The following CTSE variants were observed in gnomAD, a reference collection of about 807,000 sequenced individuals.
The protein encoded by CTSE is cathepsin E.
In CTSE, 43 loss-of-function variants were observed where a neutral mutation model predicts 42.8. The ratio of observed to expected loss-of-function variants is 1.01; its 90% CI spans 0.79 to 1.30. The LOEUF is 1.30. CTSE is among the 50% of genes most tolerant of loss of function. CTSE has a pLI of 0.00. For missense variants in CTSE, 532 were observed against 493.5 expected (o/e 1.08, Z -0.74); for synonymous variants, 205 against 191.5 (o/e 1.07, Z -0.58).
At chr1:206,017,124 T>TGGG (rs1661284716) in intron 4 of CTSE, among the ~76,000 whole-genome samples, 1 of 152,146 alleles carries the variant, frequency 6.6e-6, no homozygotes, top group Admixed American at 6.5e-5. Context: ...TAGTAATGTT[T>TGGG]GCTATTATCA....
chr1:206,013,101 T>C (rs1185075707), intron 6 of CTSE, among the ~76,000 whole-genome samples: 3 of 138,692 alleles, frequency 2.2e-5, no homozygotes, highest in Admixed American at 6.8e-5. Context: ...TTTTTTGCAT[T>C]CCTAATGCCT....
chr1:206,013,906 G>A lies in CTSE; in HGVS notation c.663-12C>T. ...CACCTTCTGGGTTACTACATGGAGA[G>A]AAAGACAAACTGTCCAGGAAGGGCC... is the stretch of plus-strand genomic sequence containing the variant. On this transcript the variant is annotated splice_polypyrimidine_tract_variant and intron_variant, in intron 5 of 8. Coordinates refer to ENST00000358184, the MANE Select transcript of CTSE (RefSeq NM_001910.4). The A allele has an allele frequency of 6.2e-7, 1 of 1,613,310 alleles. No homozygotes were observed. The highest frequency in any genetic ancestry group is 8.5e-7 in the Non-Finnish European group (1 of 1,179,622).
In CTSE at chr1:206,019,436, G is replaced by A. The variant is rs115544357; in HGVS notation, c.462+1613C>T. 2.6e-3 allele frequency among the ~76,000 whole-genome samples: 396 copies of A among 152,060 alleles called. 2 individuals carry two copies. The highest frequency in any genetic ancestry group is 9.1e-3 in the African/African-American group (380 of 41,534). On this transcript the variant is annotated intron_variant, in intron 4 of 8. Transcript: ENST00000358184. ...GTTATGCAGCAAAAGCTGATGATTT[G>A]TTAGAGGTAAGTGCACACCTGGTCC...
Position 206,009,921 on chromosome 1 carries a change from C to A in CTSE, c.*262G>T, listed in dbSNP as rs74515393. On this transcript the variant is annotated 3_prime_UTR_variant, in exon 9 of 9. Coordinates refer to ENST00000358184, the MANE Select transcript of CTSE (RefSeq NM_001910.4). Reference sequence around the variant, plus strand: ...TGTGAAAATTTTTGATTTTCATAATCAAAAATCAATACAAAATATGAATGT... The same window carrying A: ...TGTGAAAATTTTTGATTTTCATAATAAAAAATCAATACAAAATATGAATGT... 5,134 of 445,008 alleles carry A rather than the reference C, an allele frequency of 0.012. 239 individuals carry two copies. Among genetic ancestry groups the A allele is most frequent in the African/African-American group, 0.094 (4,739 of 50,402 alleles). 27.6% of individuals were successfully genotyped at this position (445,008 alleles called of 1,614,324 possible). A position where few individuals can be genotyped will look rare whatever the true frequency, so the allele number is the denominator to read the frequency against.
In CTSE at chr1:206,009,642, T is replaced by C. The variant is rs941768963; in HGVS notation, c.*541A>G. The C allele has an allele frequency of 3.9e-5, 6 of 154,768 alleles. No homozygotes were observed. The highest frequency in any genetic ancestry group is 1.4e-4 in the African/African-American group (6 of 41,408). 9.6% of individuals were successfully genotyped at this position (154,768 alleles called of 1,614,324 possible). A position where few individuals can be genotyped will look rare whatever the true frequency, so the allele number is the denominator to read the frequency against. On this transcript the variant is annotated 3_prime_UTR_variant, in exon 9 of 9. Transcript: ENST00000358184. ...AAACAGCCAAACATTTGTGGGACAA[T>C]GGGAGATGCTTGAATTCCGATTGTA...
At chr1:206,014,193 G>GATCTA in intron 5 of CTSE, 1 of 339,080 alleles carries the variant, frequency 2.9e-6, no homozygotes, top group Admixed American at 4.3e-5. Flanking sequence ...ACCAAGGCCA[G>GATCTA]GACCATCCTG....
At chr1:206,023,679 G>A (rs112543506) in intron 1 of CTSE, 45 bp downstream of exon 1, 15 of 1,582,352 alleles carry the variant, frequency 9.5e-6, no homozygotes, top group African/African-American at 5.4e-5. Flanking sequence ...GAGTTGCAGG[G>A]CATGGGACTA....
In CTSE at chr1:206,010,482, G is replaced by A. The variant is rs114445801; in HGVS notation, c.1027-135C>T. 7.2e-4 allele frequency: 529 copies of A among 739,456 alleles called. No homozygotes were observed. The African/African-American group carries it at 7.5e-3, about 10-fold the overall frequency. 45.8% of individuals were successfully genotyped at this position (739,456 alleles called of 1,614,324 possible). ...GCTGGTGGGTTCCACCATTTTGGTC[G>A]GTGGGTTCTTCCTCCTGCTTCATAT... On this transcript the variant is annotated intron_variant, in intron 8 of 8. Transcript: ENST00000358184.
chr1:206,023,143 T>TCCC, intron 1 of CTSE, 86 bp from the exon 2 acceptor site: 1 of 722,506 alleles, frequency 1.4e-6, no homozygotes, highest in Non-Finnish European at 2.2e-6. Flanking sequence ...AGGGGCCAAC[T>TCCC]AGAGAAGATG....
At chr1:206,021,427 A>G (rs782519842) in intron 3 of CTSE, 4 of 413,588 alleles carry the variant, frequency 9.7e-6, no homozygotes, top group South Asian at 8.3e-5. Flanking sequence ...GCACACCAAG[A>G]TAAGTGTCAT....
chr1:206,023,738 T>C lies in CTSE; in HGVS notation c.54A>G (p.Gln18=). Residue 18 remains glutamine, a synonymous_variant, in exon 1 of 9, where the codon CAA becomes CAG. Transcript: ENST00000358184. ...LLVLLELGEA[Q]GSLHRVPLRR... ...CGTCTTCTCACCTGTGAAGGGATCC[T>C]TGGGCCTCTCCCAGCTCCAGGAGCA... 1 of 1,613,706 alleles carries C rather than the reference T, an allele frequency of 6.2e-7. No individual in the cohort carries two copies.
At chr1:206,015,872 A>G (rs1341765957) in intron 5 of CTSE, 59 bp downstream of exon 5, 6 of 1,494,726 alleles carry the variant, frequency 4.0e-6, no homozygotes, top group South Asian at 1.2e-5. Flanking sequence ...AGTCAAGTGT[A>G]TGTGTTGTCT....
rs1161144245 is a variant in CTSE, at chr1:206,010,396, G to A, written c.1027-49C>T. The stretch of plus-strand genomic sequence containing the variant: ...AAATGACAAACGGGGGAAGAAGGTA[G>A]TAGTACTGCCTGGAGGCTGCCTGTG... On this transcript the variant is annotated intron_variant, in intron 8 of 8. Coordinates refer to ENST00000358184, the MANE Select transcript of CTSE (RefSeq NM_001910.4). 5 of 1,533,762 alleles carry A rather than the reference G, an allele frequency of 3.3e-6. No homozygotes were observed. In the East Asian group the frequency reaches 6.7e-5, roughly 21 times the overall value.
intron 4 of CTSE, 36 bp downstream of exon 4, chr1:206,021,013 T>G: frequency 6.9e-7 from 1 of 1,452,672 alleles, no homozygotes; most frequent in Non-Finnish European, 9.7e-7. Flanking sequence ...CCCAAGTTTC[T>G]GTCCAAGAGA....
chr1:206,023,425 C>G (rs1553278793), intron 1 of CTSE, among the ~76,000 whole-genome samples: 2 of 151,866 alleles, frequency 1.3e-5, no homozygotes, highest in African/African-American at 4.8e-5. Context: ...CTGGGGAAGT[C>G]CTGGGGCGCT....
At chr1:206,019,275 A>G (rs888191851) in intron 4 of CTSE, among the ~76,000 whole-genome samples, 5 of 152,090 alleles carry the variant, frequency 3.3e-5, no homozygotes, top group Non-Finnish European at 7.4e-5. Flanking sequence ...AGCAGTCTAC[A>G]GTTTGCACAG....
In CTSE at chr1:206,009,928, C is replaced by A; in HGVS notation, c.*255G>T. On this transcript the variant is annotated 3_prime_UTR_variant, in exon 9 of 9. Coordinates refer to ENST00000358184, the MANE Select transcript of CTSE (RefSeq NM_001910.4). Reference sequence around the variant, plus strand: ...ATTTTTGATTTTCATAATCAAAAATCAATACAAAATATGAATGTATAACGT... The same window carrying A: ...ATTTTTGATTTTCATAATCAAAAATAAATACAAAATATGAATGTATAACGT... 6.5e-6 allele frequency: 3 copies of A among 458,666 alleles called. No homozygotes were observed. Among genetic ancestry groups the A allele is most frequent in the East Asian group, 3.6e-5 (1 of 27,770 alleles). The allele number at this position is 458,666 out of a possible 1,614,324, so 28.4% of individuals were successfully genotyped here.
At chr1:206,019,850 T>C (rs955897207) in intron 4 of CTSE, among the ~76,000 whole-genome samples, 46 of 139,890 alleles carry the variant, frequency 3.3e-4, no homozygotes, top group Admixed American at 4.4e-4. Flanking sequence ...AATAGGTTAA[T>C]CTATTATATA....
At chr1:206,015,288 T>C (rs1661231292) in intron 5 of CTSE, among the ~76,000 whole-genome samples, 1 of 152,090 alleles carries the variant, frequency 6.6e-6, no homozygotes, top group Admixed American at 6.6e-5. Flanking sequence ...GGTTTAAGAA[T>C]TCCTCACTTC....
Sources: gnomAD v4.1 joint callset for allele counts (sites outside exome capture counted in the v4.1 genomes callset) on GRCh38, gnomAD v4.1.1 for gene constraint, MANE v1.5 for transcripts, NCBI Gene and HGNC (gene_info 2026-07-23, HGNC 2026-07-21) for gene names.